The following ANK3 variants were observed in gnomAD, a reference collection of about 807,000 sequenced individuals.
ANK3 encodes ankyrin 3.
A neutral mutation model predicts 370.9 loss-of-function variants in ANK3; 57 were observed. The ratio of observed to expected loss-of-function variants is 0.15; its 90% CI spans 0.12 to 0.19. The LOEUF (loss-of-function observed/expected upper bound fraction) is 0.19. ANK3 is among the 10% of genes least tolerant of loss of function. The pLI, the probability that ANK3 is intolerant of heterozygous loss-of-function variation, is 1.00. For synonymous variants in ANK3, 1,929 were observed against 1,946.3 expected (o/e 0.99, Z 0.23); for missense variants, 4,439 against 5,302.1 (o/e 0.84, Z 5.06).
chr10:60,514,728 T>C lies in ANK3; in HGVS notation c.96+100458A>G, dbSNP rs149880192. Among the ~76,000 whole-genome samples, 817 of 152,208 alleles carry C rather than the reference T, an allele frequency of 5.4e-3. 4 individuals carry two copies. The highest frequency in any genetic ancestry group is 6.7e-3 in the Non-Finnish European group (456 of 68,006). On this transcript the variant is annotated intron_variant, in intron 2 of 43. Transcript: ENST00000373827. The stretch of plus-strand genomic sequence containing the variant: ...TTTCAGGGGCCTTTCTTCTTCGAGA[T>C]TGGCAATAAAATGTTCTCCTAATGA...
In ANK3 at chr10:60,084,638, C is replaced by A. The variant is rs1211661757; in HGVS notation, c.4038G>T (p.Glu1346Asp). 1.2e-6 allele frequency: 2 copies of A among 1,613,828 alleles called. No individual in the cohort carries two copies. Among genetic ancestry groups the A allele is most frequent in the African/African-American group, 2.7e-5 (2 of 74,932 alleles). Residue 1346 changes from glutamate (E) to aspartate (D), a missense_variant, in exon 32 of 44, where the codon GAG becomes GAT. Around this residue, in one of 13 missense-constraint regions of ANK3, gnomAD observed 702 missense variants for 941.5 expected, o/e 0.75. Coordinates refer to ENST00000280772, the MANE Select transcript of ANK3 (RefSeq NM_020987.5). ...TGCTTCTTGCGACTTCCTCAAAATT[C>A]TCTTGTTGCTCTAAAGTTTTGTCCA... ...DKVDKTLEQQ[E>D]NFEEVARSKD...
At chr10:60,267,700 A>G (rs572397889) in intron 5 of ANK3, among the ~76,000 whole-genome samples, 1 of 152,322 alleles carries the variant, frequency 6.6e-6, no homozygotes, top group Non-Finnish European at 1.5e-5. Flanking sequence ...CTAATCTATT[A>G]GCAGTAAATT....
At chr10:60,330,799 A>G (rs1007359905) in intron 1 of ANK3, among the ~76,000 whole-genome samples, 13 of 152,300 alleles carry the variant, frequency 8.5e-5, no homozygotes, top group Admixed American at 5.9e-4. Flanking sequence ...TCATTCTACT[A>G]TAAAGACACA....
chr10:60,107,580 G>A (rs112018624), intron 27 of ANK3, among the ~76,000 whole-genome samples: 5,692 of 152,214 alleles, frequency 0.037, 173 homozygotes, highest in Non-Finnish European at 0.058. Flanking sequence ...AAAACCAAAC[G>A]AAACAATTTT....
chr10:60,475,436 A>G (rs1283244010), intron 2 of ANK3, among the ~76,000 whole-genome samples: 1 of 152,176 alleles, frequency 6.6e-6, no homozygotes, highest in Non-Finnish European at 1.5e-5. Context: ...TCTGTTTGTC[A>G]CATCAGCTCT....
chr10:60,180,843 G>C (rs760982417), intron 18 of ANK3, among the ~76,000 whole-genome samples: 1 of 151,970 alleles, frequency 6.6e-6, no homozygotes. Flanking sequence ...TTTCTCGTCT[G>C]AGAGAGGGAG....
intron 2 of ANK3, among the ~76,000 whole-genome samples, chr10:60,575,942 T>C (rs1232457009): frequency 6.6e-6 from 1 of 152,204 alleles, no homozygotes. Context: ...CCAGTGCATT[T>C]TAAATTAAAA....
intron 2 of ANK3, chr10:60,572,781 AAATC>A: frequency 8.0e-7 from 1 of 1,250,500 alleles, no homozygotes; most frequent in Non-Finnish European, 1.0e-6. Flanking sequence ...CTTCTAAAGA[AAATC>A]AATATTTTAG....
chr10:60,318,073 T>C (rs2047845721), intron 1 of ANK3, among the ~76,000 whole-genome samples: 1 of 152,150 alleles, frequency 6.6e-6, no homozygotes, highest in South Asian at 2.1e-4. Flanking sequence ...AATGGTTTAT[T>C]TTGGGTTATC....
At chr10:60,173,483 T>C (rs1043741277) in intron 18 of ANK3, among the ~76,000 whole-genome samples, 16 of 152,222 alleles carry the variant, frequency 1.1e-4, no homozygotes, top group Admixed American at 7.2e-4. Context: ...ACTGACAGCA[T>C]AGACAAACTG....
intron 1 of ANK3, among the ~76,000 whole-genome samples, chr10:60,292,241 A>C (rs1345531451): frequency 6.6e-6 from 1 of 152,184 alleles, no homozygotes; most frequent in African/African-American, 2.4e-5. Context: ...CATTTCTGAA[A>C]AGTATGTTTT....
At position 60,196,562 on chromosome 10, in the gene ANK3, G is replaced by A; in HGVS notation, c.1753C>T (p.Leu585=). 1 of 1,613,254 alleles carries A rather than the reference G, an allele frequency of 6.2e-7. No homozygotes were observed. Among genetic ancestry groups the A allele is most frequent in the Non-Finnish European group, 8.5e-7 (1 of 1,179,778 alleles). ...YGKLEVANLL[L]QKSASPDAAG... is the part of the protein sequence containing the mutation. ...GCATCTGGAGATGCACTTTTCTGTA[G>A]CAGGAGATTGGCGACTTCAAGCTTT... Residue 585 remains leucine (L), a synonymous_variant, in exon 15 of 44, where the codon CTA becomes TTA. Coordinates refer to ENST00000280772, the MANE Select transcript of ANK3 (RefSeq NM_020987.5).
intron 24 of ANK3, among the ~76,000 whole-genome samples, chr10:60,135,549 C>T (rs190347508): frequency 6.6e-6 from 1 of 152,358 alleles, no homozygotes; most frequent in East Asian, 1.9e-4. Flanking sequence ...TCATGAGAAG[C>T]TAGCACCTTT....
chr10:60,518,384 G>A (rs1194710116), intron 2 of ANK3, among the ~76,000 whole-genome samples: 2 of 152,032 alleles, frequency 1.3e-5, no homozygotes, highest in African/African-American at 4.8e-5. Context: ...GCCCCCTAAC[G>A]TTACTACAGG....
chr10:60,439,266 T>C (rs1245912680), intron 2 of ANK3, among the ~76,000 whole-genome samples: 5 of 152,232 alleles, frequency 3.3e-5, no homozygotes, highest in Non-Finnish European at 4.4e-5. Context: ...AGCTAACTTC[T>C]GTGAACTGCT....
chr10:60,175,323 G>A lies in ANK3; in HGVS notation c.2185-2137C>T, dbSNP rs539587570. 2.3e-3 allele frequency among the ~76,000 whole-genome samples: 356 copies of A among 152,282 alleles called. 2 individuals carry two copies. Among genetic ancestry groups the A allele is most frequent in the Non-Finnish European group, 3.8e-3 (257 of 68,042 alleles). On this transcript the variant is annotated intron_variant, in intron 18 of 43. Coordinates refer to ENST00000280772, the MANE Select transcript of ANK3 (RefSeq NM_020987.5). ...TCAGATGTGGGCTCCTCCATTCATC[G>A]GGGTTAACAGCATTCCCATACAAAA...
At chr10:60,512,866 A>G (rs2076122996) in intron 2 of ANK3, among the ~76,000 whole-genome samples, 1 of 151,940 alleles carries the variant, frequency 6.6e-6, no homozygotes, top group Admixed American at 6.6e-5. Context: ...CCTCTATTTC[A>G]GGAGACCCAG....
chr10:60,733,343 C>A, exon 1 of ANK3: 1 of 1,233,124 alleles, frequency 8.1e-7, no homozygotes, highest in Non-Finnish European at 1.0e-6. Context: ...TGCTGCTGCT[C>A]CTTCCAGGAA....
chr10:60,318,688 C>T (rs904579019), intron 1 of ANK3, among the ~76,000 whole-genome samples: 1 of 152,058 alleles, frequency 6.6e-6, no homozygotes, highest in Admixed American at 6.5e-5. Context: ...AATTAAGAAC[C>T]ATCACTCCAG....
Sources: allele counts gnomAD v4.1 joint callset (sites outside exome capture counted in the v4.1 genomes callset), GRCh38; gene constraint gnomAD v4.1.1; regional missense constraint gnomAD v4.1.1; transcripts MANE v1.5; gene names NCBI Gene and HGNC (gene_info 2026-07-23, HGNC 2026-07-21).